The following CEP112 variants were observed in gnomAD, a reference collection of about 807,000 sequenced individuals.
CEP112 encodes centrosomal protein 112.
In CEP112, 127 loss-of-function variants were observed where a neutral mutation model predicts 153.0. The observed-to-expected ratio is 0.83, with a 90% CI of 0.72 to 0.96. The LOEUF (loss-of-function observed/expected upper bound fraction) is 0.96, where lower values mean the gene tolerates loss of function less well. Among genes scored for constraint, CEP112 ranks in the 40% least tolerant of loss-of-function variants. The probability of loss-of-function intolerance (pLI) is 0.00; values close to 1 mark genes in which losing one functional copy is unlikely to be tolerated. For synonymous variants in CEP112, 358 were observed against 374.4 expected (o/e 0.96, Z 0.51); for missense variants, 1,089 against 1,101.2 (o/e 0.99, Z 0.16).
At chr17:65,752,316 T>C (rs1304026091) in intron 21 of CEP112, among the ~76,000 whole-genome samples, 2 of 152,120 alleles carry the variant, frequency 1.3e-5, no homozygotes, top group African/African-American at 4.8e-5. Flanking sequence ...TGTGGATGGG[T>C]GGGCATCACT....
At chr17:65,851,749 T>G (rs1172130833) in intron 21 of CEP112, 55 bp downstream of exon 21, 2 of 1,286,356 alleles carry the variant, frequency 1.6e-6, no homozygotes, top group Non-Finnish European at 2.2e-6. Context: ...GTGGTGGCAA[T>G]GGATTTTAAA....
intron 12 of CEP112, among the ~76,000 whole-genome samples, chr17:66,035,125 C>T (rs1286346844): frequency 6.6e-6 from 1 of 150,740 alleles, no homozygotes; most frequent in East Asian, 2.0e-4. Context: ...CAAGCGTGTG[C>T]CACCACGCCC....
intron 21 of CEP112, among the ~76,000 whole-genome samples, chr17:65,820,268 T>A (rs2056465014): frequency 6.6e-6 from 1 of 152,018 alleles, no homozygotes. Context: ...TCAAATATTG[T>A]CTCTCTTCCA....
At chr17:65,899,316 G>T (rs1015764014) in intron 20 of CEP112, among the ~76,000 whole-genome samples, 3 of 152,004 alleles carry the variant, frequency 2.0e-5, no homozygotes, top group Non-Finnish European at 4.4e-5. Context: ...AATTTAATGT[G>T]CACATTAGCA....
intron 17 of CEP112, among the ~76,000 whole-genome samples, chr17:66,005,162 T>C (rs1479851374): frequency 2.6e-5 from 4 of 152,182 alleles, no homozygotes; most frequent in African/African-American, 7.2e-5. Flanking sequence ...AACCTAGTAA[T>C]AGGAGAGCCC....
chr17:66,048,131 T>C (rs998484262), intron 12 of CEP112, among the ~76,000 whole-genome samples: 1 of 152,128 alleles, frequency 6.6e-6, no homozygotes, highest in Non-Finnish European at 1.5e-5. Context: ...AATATTTTTA[T>C]GTGTGGTTGG....
intron 23 of CEP112, among the ~76,000 whole-genome samples, chr17:65,689,465 A>C (rs187285458): frequency 6.6e-6 from 1 of 152,190 alleles, no homozygotes. Context: ...ATATATTAAA[A>C]TGTCTCATAT....
At chr17:65,970,756 C>T (rs1181773029) in intron 17 of CEP112, among the ~76,000 whole-genome samples, 3 of 50,954 alleles carry the variant, frequency 5.9e-5, no homozygotes, top group African/African-American at 1.2e-4. Flanking sequence ...ATGCACATTA[C>T]AGGTATGTTA....
intron 12 of CEP112, among the ~76,000 whole-genome samples, chr17:66,039,418 T>A (rs2065880077): frequency 6.6e-6 from 1 of 152,104 alleles, no homozygotes; most frequent in Non-Finnish European, 1.5e-5. Flanking sequence ...ACTAATTTTA[T>A]CTTATTTCAC....
intron 3 of CEP112, among the ~76,000 whole-genome samples, chr17:66,175,573 C>T (rs1016879022): frequency 1.3e-5 from 2 of 152,096 alleles, no homozygotes; most frequent in South Asian, 2.1e-4. Context: ...TCACTAACTA[C>T]TTTACATACA....
At chr17:65,722,270 A>G (rs552914061) in intron 23 of CEP112, among the ~76,000 whole-genome samples, 2 of 151,714 alleles carry the variant, frequency 1.3e-5, no homozygotes, top group South Asian at 4.2e-4. Flanking sequence ...GTTTTTTGAG[A>G]TAGAGTCTCC....
intron 21 of CEP112, among the ~76,000 whole-genome samples, chr17:65,774,650 C>G (rs773890177): frequency 6.6e-6 from 1 of 152,122 alleles, no homozygotes; most frequent in Non-Finnish European, 1.5e-5. Flanking sequence ...GTGCTGGGTG[C>G]GTAGGTGACA....
intron 11 of CEP112, 32 bp downstream of exon 11, chr17:66,062,931 T>C (rs748144540): frequency 1.7e-5 from 19 of 1,108,430 alleles, no homozygotes; most frequent in Non-Finnish European, 2.5e-5. Context: ...CATAAACTTT[T>C]ATGTTTTCCA....
chr17:65,656,448 A>C (rs1372255446), intron 24 of CEP112, among the ~76,000 whole-genome samples: 1 of 152,216 alleles, frequency 6.6e-6, no homozygotes, highest in East Asian at 1.9e-4. Flanking sequence ...GAATATGCAA[A>C]ATATTCACTT....
intron 17 of CEP112, among the ~76,000 whole-genome samples, chr17:65,962,645 A>G (rs981173877): frequency 1.3e-5 from 2 of 152,220 alleles, no homozygotes; most frequent in African/African-American, 4.8e-5. Flanking sequence ...TGTAGCTCCC[A>G]TAATTCCCAC....
chr17:65,690,825 G>A (rs752057415), intron 23 of CEP112, among the ~76,000 whole-genome samples: 8 of 152,176 alleles, frequency 5.3e-5, no homozygotes, highest in African/African-American at 1.9e-4. Flanking sequence ...ATCAGGTTAC[G>A]TGGAGTCTTG....
At chr17:65,669,020 AG>A (rs1372105149) in intron 24 of CEP112, among the ~76,000 whole-genome samples, 9 of 152,344 alleles carry the variant, frequency 5.9e-5, no homozygotes, top group African/African-American at 2.2e-4. Context: ...AACTTGCATT[AG>A]AAAGCCTCTG....
chr17:65,648,207 A>G (rs1053056386), intron 24 of CEP112, among the ~76,000 whole-genome samples: 7 of 152,046 alleles, frequency 4.6e-5, no homozygotes, highest in African/African-American at 1.4e-4. Flanking sequence ...CCTCAACCAC[A>G]TCGCACCAAA....
chr17:66,097,743 G>A (rs1171219297), intron 6 of CEP112, among the ~76,000 whole-genome samples: 2 of 152,044 alleles, frequency 1.3e-5, no homozygotes, highest in Admixed American at 1.3e-4. Flanking sequence ...AGTATTTATT[G>A]CATGAATATA....
Sources: gnomAD v4.1 joint callset for allele counts (sites outside exome capture counted in the v4.1 genomes callset) on GRCh38, gnomAD v4.1.1 for gene constraint, MANE v1.5 for transcripts, NCBI Gene and HGNC (gene_info 2026-07-23, HGNC 2026-07-21) for gene names.